Variants in SCML4 observed in about 807,000 individuals in gnomAD.
SCML4 encodes sex comb on midleg-like protein 4.
Under a neutral mutation model 41.1 loss-of-function variants are expected in SCML4, and 34 were observed. The ratio of observed to expected loss-of-function variants is 0.83; its 90% confidence interval spans 0.63 to 1.10. SCML4 has a LOEUF of 1.10. SCML4 is among the 50% of genes least tolerant of loss of function. The probability of loss-of-function intolerance (pLI) is 0.00; values close to 1 mark genes in which losing one functional copy is unlikely to be tolerated. For synonymous variants in SCML4, 214 were observed against 220.9 expected, an observed-to-expected ratio of 0.97 and a Z score of 0.28; for missense variants, 522 against 534.1, an observed-to-expected ratio of 0.98 and a Z score of 0.22.
At chr6:107,788,304 G>A (rs1430437613) in intron 1 of SCML4, among the ~76,000 whole-genome samples, 1 of 152,178 alleles carries the variant, frequency 6.6e-6, no homozygotes, top group Non-Finnish European at 1.5e-5. Flanking sequence ...GGAGACTTCA[G>A]TACTTGCCAG....
intron 5 of SCML4, among the ~76,000 whole-genome samples, chr6:107,736,543 C>T (rs1028177253): frequency 2.6e-5 from 4 of 152,190 alleles, no homozygotes; most frequent in African/African-American, 7.2e-5. Flanking sequence ...GGGCCCTGTG[C>T]GCCTCGCTGC....
rs547100918 is a variant in SCML4 at position 107,816,485 on chromosome 6, C to T, written c.-60+7641G>A. Among the ~76,000 whole-genome samples, 17 of 152,252 alleles carry T rather than the reference C, an allele frequency of 1.1e-4. No homozygotes were observed. In the East Asian group the frequency reaches 3.3e-3, roughly 29 times the overall value. On this transcript the variant is annotated intron_variant, in intron 1 of 7. Coordinates refer to ENST00000369020, the MANE Select transcript of SCML4 (RefSeq NM_198081.5). Reference sequence around the variant, plus strand: ...AAAATGGCTTTTCTGAACTGGAATCCGTGCGGTTCCATTTAGATGGATTCT... The same window carrying T: ...AAAATGGCTTTTCTGAACTGGAATCTGTGCGGTTCCATTTAGATGGATTCT...
chr6:107,825,936 C>CAAAAAAAAAAA (rs71015515), upstream of SCML4, among the ~76,000 whole-genome samples: 11 of 62,632 alleles, frequency 1.8e-4, no homozygotes, highest in African/African-American at 2.3e-4. Context: ...GACTCCATCT[C>CAAAAAAAAAAA]AAAAAAAAAA....
intron 6 of SCML4, among the ~76,000 whole-genome samples, chr6:107,709,869 C>A (rs1308587834): frequency 6.6e-6 from 1 of 152,164 alleles, no homozygotes; most frequent in Non-Finnish European, 1.5e-5. Context: ...CACCATCACG[C>A]CCAGCTAATT....
At chr6:107,793,136 A>G (rs1344356048) in intron 1 of SCML4, among the ~76,000 whole-genome samples, 1 of 152,184 alleles carries the variant, frequency 6.6e-6, no homozygotes, top group Admixed American at 6.5e-5. Flanking sequence ...GGCAGCCCCC[A>G]GAAATGACCC....
At position 107,715,714 on chromosome 6, in the gene SCML4, C is replaced by T. The variant is rs548691105; in HGVS notation, c.973+4989G>A. Reference sequence around the variant, plus strand: ...CAGCGGAGACAGACGTGATATATCACAACTGCAGGAAGCTAAAGGTAAGTA... The same window carrying T: ...CAGCGGAGACAGACGTGATATATCATAACTGCAGGAAGCTAAAGGTAAGTA... On this transcript the variant is annotated intron_variant, in intron 6 of 7. Transcript: ENST00000369020. Among the ~76,000 whole-genome samples, 9 of 152,266 alleles carry T rather than the reference C, an allele frequency of 5.9e-5. No individual in the cohort carries two copies. In the East Asian group the frequency reaches 1.7e-3, roughly 29 times the overall value.
intron 5 of SCML4, chr6:107,732,151 G>T (rs554404337): frequency 2.0e-5 from 3 of 152,388 alleles, no homozygotes; most frequent in African/African-American, 7.2e-5. Context: ...GCCTTTCACT[G>T]AGGCTCCTGT....
chr6:107,800,696 A>T (rs953373780), intron 1 of SCML4, among the ~76,000 whole-genome samples: 1 of 152,136 alleles, frequency 6.6e-6, no homozygotes, highest in Admixed American at 6.5e-5. Context: ...CCTCTCTGTT[A>T]TACTGGGGCC....
chr6:107,742,997 T>C (rs1020688591), intron 5 of SCML4, among the ~76,000 whole-genome samples: 3 of 152,176 alleles, frequency 2.0e-5, no homozygotes, highest in Non-Finnish European at 2.9e-5. Context: ...AGATAGGTAA[T>C]ATCAAAACAT....
At chr6:107,793,842 G>T (rs755907472) in intron 1 of SCML4, among the ~76,000 whole-genome samples, 1 of 152,270 alleles carries the variant, frequency 6.6e-6, no homozygotes, top group Middle Eastern at 3.4e-3. Context: ...CTACTCAGGA[G>T]GCTGAGGTGG....
rs117914882 is a variant in SCML4, at chr6:107,755,597, T to C, written c.157-5784A>G. The C allele has an allele frequency of 3.0e-3, 4,104 of 1,349,190 alleles. 50 individuals carry two copies. In the East Asian group the frequency reaches 0.055, roughly 18 times the overall value. The allele number at this position is 1,349,190 out of a possible 1,614,324, so 83.6% of individuals were successfully genotyped here. A position where few individuals can be genotyped will look rare whatever the true frequency, so the allele number is the denominator to read the frequency against. On this transcript the variant is annotated intron_variant, in intron 2 of 7. Transcript: ENST00000369020. The stretch of plus-strand genomic sequence containing the variant: ...TCTCTCCAGTGGAATGGGGGGGTTC[T>C]CTGCCTGTCGCAACCTATCCAAGCT...
the SCML4 span, among the ~76,000 whole-genome samples, chr6:107,835,478 G>A: frequency 1.3e-5 from 2 of 151,992 alleles, no homozygotes; most frequent in African/African-American, 4.8e-5. Flanking sequence ...AGTGACTCAC[G>A]CTTATAATCC....
At chr6:107,705,759 C>G (rs1021335462) in intron 7 of SCML4, among the ~76,000 whole-genome samples, 1 of 152,166 alleles carries the variant, frequency 6.6e-6, no homozygotes, top group Admixed American at 6.5e-5. Flanking sequence ...GCCCACCTAC[C>G]TTTAGCTGAT....
chr6:107,818,493 T>C (rs1784713056), intron 1 of SCML4, among the ~76,000 whole-genome samples: 1 of 152,234 alleles, frequency 6.6e-6, no homozygotes, highest in South Asian at 2.1e-4. Flanking sequence ...AGCTAATTGT[T>C]TGATAAAGCC....
chr6:107,735,512 G>C (rs550158444), intron 5 of SCML4, among the ~76,000 whole-genome samples: 1 of 151,692 alleles, frequency 6.6e-6, no homozygotes, highest in South Asian at 2.1e-4. Context: ...ATCACATAAA[G>C]TCATGGCCCG....
intron 5 of SCML4, among the ~76,000 whole-genome samples, chr6:107,722,756 C>A (rs995446546): frequency 6.6e-6 from 1 of 151,880 alleles, no homozygotes; most frequent in African/African-American, 2.4e-5. Flanking sequence ...TGGAGCTTGA[C>A]TAAAAATAAA....
chr6:107,756,788 A>G (rs1779151011), intron 2 of SCML4, among the ~76,000 whole-genome samples: 1 of 152,186 alleles, frequency 6.6e-6, no homozygotes, highest in Non-Finnish European at 1.5e-5. Flanking sequence ...TTTTCAAAAT[A>G]TTAAAAACAG....
intron 5 of SCML4, among the ~76,000 whole-genome samples, chr6:107,724,652 AT>A (rs1775772512): frequency 6.6e-6 from 1 of 152,206 alleles, no homozygotes; most frequent in African/African-American, 2.4e-5. Flanking sequence ...GGAAAAAAAA[AT>A]CTCATGTTCA....
chr6:107,737,768 AGAG>A (rs1486912988), intron 5 of SCML4, among the ~76,000 whole-genome samples: 1 of 152,178 alleles, frequency 6.6e-6, no homozygotes, highest in Non-Finnish European at 1.5e-5. Context: ...GTGGGAGGGA[AGAG>A]GAGAATTACA....
Sources: gnomAD v4.1 joint callset for allele counts (sites outside exome capture counted in the v4.1 genomes callset) on GRCh38, gnomAD v4.1.1 for gene constraint, MANE v1.5 for transcripts, NCBI Gene and HGNC (gene_info 2026-07-23, HGNC 2026-07-21) for gene names.